NFIA: variants seen among roughly 807,000 people sequenced by gnomAD.
The protein encoded by NFIA is nuclear factor I A.
Under a neutral mutation model 62.8 loss-of-function variants are expected in NFIA, and 8 were observed. The observed-to-expected ratio is 0.13, with a 90% CI of 0.07 to 0.23. The LOEUF (loss-of-function observed/expected upper bound fraction) is 0.23, where lower values mean the gene tolerates loss of function less well. Ranked by LOEUF, NFIA falls within the 10% of genes least tolerant of loss-of-function variation. The pLI is 1.00. For missense variants in NFIA, 410 were observed against 642.1 expected (o/e 0.64, Z 3.91); for synonymous variants, 235 against 238.1 (o/e 0.99, Z 0.12).
intron 5 of NFIA, among the ~76,000 whole-genome samples, chr1:61,352,781 A>G (rs1290752533): frequency 5.3e-5 from 8 of 149,866 alleles, no homozygotes; most frequent in East Asian, 1.9e-4. Context: ...ACACACACAC[A>G]CACGCACACA....
At chr1:61,105,362 A>G (rs1023769261) in intron 2 of NFIA, among the ~76,000 whole-genome samples, 1 of 152,012 alleles carries the variant, frequency 6.6e-6, no homozygotes, top group African/African-American at 2.4e-5. Flanking sequence ...TGTAATATTT[A>G]GAATTTGAAT....
At chr1:61,082,381 G>A (rs896651242), upstream of NFIA, 3 of 684,802 alleles carry the variant, frequency 4.4e-6, no homozygotes, top group Non-Finnish European at 5.4e-6. Flanking sequence ...CCTCCCCCCC[G>A]CGGCGGCGGC....
intron 7 of NFIA, among the ~76,000 whole-genome samples, chr1:61,385,669 G>C (rs1664643255): frequency 6.6e-6 from 1 of 152,154 alleles, no homozygotes; most frequent in Admixed American, 6.5e-5. Flanking sequence ...TATGGGTACA[G>C]GTTGAGAGCT....
chr1:61,244,109 A>G (rs545380126), intron 2 of NFIA, among the ~76,000 whole-genome samples: 1 of 152,202 alleles, frequency 6.6e-6, no homozygotes, highest in South Asian at 2.1e-4. Context: ...TATAAAATTT[A>G]CTTTCTATAT....
At chr1:61,118,651 T>G (rs1646833348) in intron 2 of NFIA, among the ~76,000 whole-genome samples, 2 of 148,582 alleles carry the variant, frequency 1.3e-5, no homozygotes, top group African/African-American at 2.5e-5. Flanking sequence ...AAAAGTTTGG[T>G]CGGGATGAGT....
intron 2 of NFIA, among the ~76,000 whole-genome samples, chr1:61,219,669 G>A (rs917019584): frequency 3.6e-4 from 52 of 143,682 alleles, no homozygotes; most frequent in African/African-American, 1.3e-3. Flanking sequence ...AGCCGAGATC[G>A]CGCCATTGCC....
At position 61,442,204 on chromosome 1, in the gene NFIA, C is replaced by T. The variant is rs184989164; in HGVS notation, c.1513-13099C>T. On this transcript the variant is annotated intron_variant, in intron 10 of 10. Transcript: ENST00000403491. ...TACAGGAGAGAAGCGTTACTCCTCC[C>T]GGTGCCAGATTCGCTTCCAGGAAAT... Among the ~76,000 whole-genome samples, 243 of 152,244 alleles carry T rather than the reference C, an allele frequency of 1.6e-3. 2 individuals carry two copies. Among genetic ancestry groups the T allele is most frequent in the Non-Finnish European group, 2.0e-3 (134 of 68,010 alleles).
chr1:61,175,002 C>T (rs1650227520), intron 2 of NFIA, among the ~76,000 whole-genome samples: 1 of 151,902 alleles, frequency 6.6e-6, no homozygotes. Context: ...GGCCTCCTCC[C>T]CAATGCCAGT....
chr1:61,111,873 T>C (rs1170944104), intron 2 of NFIA, among the ~76,000 whole-genome samples: 1 of 152,164 alleles, frequency 6.6e-6, no homozygotes, highest in Non-Finnish European at 1.5e-5. Flanking sequence ...AAAAATGTTA[T>C]CACCTCATAA....
chr1:61,090,602 T>C (rs1378168748), intron 2 of NFIA, among the ~76,000 whole-genome samples: 1 of 152,228 alleles, frequency 6.6e-6, no homozygotes, highest in Non-Finnish European at 1.5e-5. Context: ...TTGCAATGCC[T>C]GAAGGGGTTA....
At chr1:61,285,105 G>C (rs566675890) in intron 3 of NFIA, among the ~76,000 whole-genome samples, 3 of 152,150 alleles carry the variant, frequency 2.0e-5, no homozygotes, top group Non-Finnish European at 4.4e-5. Context: ...ATCACAGTGC[G>C]GTAGAAGGTG....
intron 2 of NFIA, among the ~76,000 whole-genome samples, chr1:61,136,873 ATAAT>A (rs1175924230): frequency 6.6e-6 from 1 of 152,198 alleles, no homozygotes; most frequent in African/African-American, 2.4e-5. Context: ...AATGAGATAA[ATAAT>A]TCTATTCCTG....
chr1:61,084,997 G>A (rs559502697), intron 1 of NFIA, among the ~76,000 whole-genome samples: 21 of 151,700 alleles, frequency 1.4e-4, no homozygotes, highest in African/African-American at 5.1e-4. Flanking sequence ...AGTGAATGAG[G>A]GCTCATATTT....
intron 10 of NFIA, 75 bp from the exon 11 acceptor site, chr1:61,455,228 G>A: frequency 1.3e-6 from 2 of 1,540,272 alleles, no homozygotes; most frequent in Non-Finnish European, 1.8e-6. Flanking sequence ...TGATTTCGTG[G>A]TTGAAAAGGC....
chr1:61,406,543 G>GGGCCCCCCCCCCCC lies in NFIA; in HGVS notation c.1255-19_1255-18insGGCCCCCCCCCCCC. 1.1e-6 allele frequency: 1 copy of GGGCCCCCCCCCCCC among 876,654 alleles called. No homozygotes were observed. Among genetic ancestry groups the GGGCCCCCCCCCCCC allele is most frequent in the Non-Finnish European group, 1.5e-6 (1 of 653,744 alleles). The allele number at this position is 876,654 out of a possible 1,614,324, so 54.3% of individuals were successfully genotyped here. On this transcript the variant is annotated intron_variant, in intron 8 of 10. Transcript: ENST00000403491. ...TCTTTTTCTTGTACGTGTGTTTTCTGCCCCCCCCCCCCCCACAGCCCAATG... is the reference window on the plus strand; with the variant it reads ...TCTTTTTCTTGTACGTGTGTTTTCTGGGCCCCCCCCCCCCCCCCCCCCCCCCCCACAGCCCAATG...
chr1:61,197,992 A>G (rs1484131417), intron 2 of NFIA, among the ~76,000 whole-genome samples: 1 of 152,148 alleles, frequency 6.6e-6, no homozygotes, highest in Non-Finnish European at 1.5e-5. Context: ...AAAGAAAGAA[A>G]GAGAGAAAGA....
At chr1:61,303,768 A>G (rs1158600048) in intron 3 of NFIA, among the ~76,000 whole-genome samples, 1 of 152,198 alleles carries the variant, frequency 6.6e-6, no homozygotes, top group Non-Finnish European at 1.5e-5. Context: ...GGTCCAAGTG[A>G]TGCCAGTGCC....
chr1:61,359,488 G>GAT (rs1468562057), intron 6 of NFIA, among the ~76,000 whole-genome samples: 3 of 152,208 alleles, frequency 2.0e-5, no homozygotes, highest in African/African-American at 7.2e-5. Context: ...AGACTGGTGA[G>GAT]ATGGTGTATG....
At chr1:61,082,988 G>T (rs1183426164) in intron 1 of NFIA, among the ~76,000 whole-genome samples, 170 bp downstream of exon 1, 1 of 144,960 alleles carries the variant, frequency 6.9e-6, no homozygotes, top group Non-Finnish European at 1.5e-5. Flanking sequence ...GTGCCCGCGG[G>T]TGGGGGGGGG....
Sources: gnomAD v4.1 joint callset for allele counts (sites outside exome capture counted in the v4.1 genomes callset) on GRCh38, gnomAD v4.1.1 for gene constraint, MANE v1.5 for transcripts, NCBI Gene and HGNC (gene_info 2026-07-23, HGNC 2026-07-21) for gene names.